The following TFB2M variants were observed in gnomAD, a reference collection of about 807,000 sequenced individuals.
The protein encoded by TFB2M is dimethyladenosine transferase 2, mitochondrial.
In TFB2M, 44 loss-of-function variants were observed where a neutral mutation model predicts 41.3. The observed-to-expected ratio is 1.07, with a 90% CI of 0.84 to 1.37. The LOEUF is 1.37. Ranked by LOEUF, TFB2M falls within the 40% of genes most tolerant of loss-of-function variation. The pLI, the probability that TFB2M is intolerant of heterozygous loss-of-function variation, is 0.00. For missense variants in TFB2M, 496 were observed against 490.2 expected, an observed-to-expected ratio of 1.01 and a Z score of -0.11; for synonymous variants, 188 against 176.8, an observed-to-expected ratio of 1.06 and a Z score of -0.50.
At chr1:246,554,008 G>C (rs1659251803) in intron 4 of TFB2M, among the ~76,000 whole-genome samples, 1 of 152,128 alleles carries the variant, frequency 6.6e-6, no homozygotes, top group Non-Finnish European at 1.5e-5. Flanking sequence ...TAGATCAATA[G>C]AATACAATAG....
At chr1:246,548,664 C>T in intron 5 of TFB2M, 57 bp from the exon 6 acceptor site, 1 of 1,532,482 alleles carries the variant, frequency 6.5e-7, no homozygotes, top group Non-Finnish European at 8.9e-7. Flanking sequence ...GTCAAAGTGC[C>T]CCAGTTATTA....
At chr1:246,552,433 A>G (rs1377814759) in intron 4 of TFB2M, among the ~76,000 whole-genome samples, 1 of 152,182 alleles carries the variant, frequency 6.6e-6, no homozygotes, top group Non-Finnish European at 1.5e-5. Context: ...GGCTCGGTGT[A>G]ATGGCTCACA....
Position 246,544,700 on chromosome 1 carries a change from G to T in TFB2M, c.859-19C>A. ...ATAATTCCTGGAGAGAAGAAAAAATGAATTGCATTAGTCACAAAATATTGC... is the reference window on the plus strand; with the variant it reads ...ATAATTCCTGGAGAGAAGAAAAAATTAATTGCATTAGTCACAAAATATTGC... On this transcript the variant is annotated intron_variant, in intron 6 of 7. Coordinates refer to ENST00000366514, the MANE Select transcript of TFB2M (RefSeq NM_022366.3). 6.3e-7 allele frequency: 1 copy of T among 1,576,144 alleles called. No individual in the cohort carries two copies. The highest frequency in any genetic ancestry group is 1.2e-5 in the South Asian group (1 of 84,370).
At chr1:246,558,011 G>T (rs61852367) in intron 2 of TFB2M, among the ~76,000 whole-genome samples, 3,907 of 152,014 alleles carry the variant, frequency 0.026, 86 homozygotes, top group Non-Finnish European at 0.041. Flanking sequence ...CCATAACTAT[G>T]TAAAGAAAAT....
intron 5 of TFB2M, 106 bp from the exon 6 acceptor site, chr1:246,548,713 C>A (rs1659091470): frequency 2.0e-6 from 2 of 980,630 alleles, no homozygotes; most frequent in South Asian, 2.9e-5. Context: ...AGAGAATGGT[C>A]AGTCTAATTG....
In TFB2M at chr1:246,548,571, C is replaced by T. The variant is rs766220297; in HGVS notation, c.832G>A (p.Gly278Arg). Residue 278 changes from glycine to arginine, a missense_variant, in exon 6 of 8, where the codon GGG becomes AGG. Gly to Arg is a moderately radical substitution (Grantham distance 125, BLOSUM62 -2). Transcript: ENST00000366514. ...CTACGCTTTGGGTTTTCCAGCGGCC[C>T]TTTCCGGGTGTATATATCAAATGAT... Reference protein sequence around the residue: ...WSSFDIYTRKGPLENPKRREL... With the variant: ...WSSFDIYTRKRPLENPKRREL... The T allele has an allele frequency of 6.8e-6, 11 of 1,613,218 alleles. No individual in the cohort carries two copies. The highest frequency in any genetic ancestry group is 3.4e-6 in the Non-Finnish European group (4 of 1,179,718).
chr1:246,543,712 T>C (rs550510937), intron 7 of TFB2M, among the ~76,000 whole-genome samples: 7 of 152,240 alleles, frequency 4.6e-5, no homozygotes, highest in East Asian at 3.9e-4. Flanking sequence ...GCAAGGTGGA[T>C]TGCTTGAGGC....
chr1:246,560,232 A>C (rs1057216891), intron 2 of TFB2M, among the ~76,000 whole-genome samples: 2 of 152,224 alleles, frequency 1.3e-5, no homozygotes, highest in African/African-American at 4.8e-5. Flanking sequence ...TAATCTTTCA[A>C]GTTATCAAAA....
intron 5 of TFB2M, among the ~76,000 whole-genome samples, chr1:246,550,720 C>T (rs3120706): frequency 0.98 from 149,337 of 152,336 alleles, 73,222 homozygotes; most frequent in East Asian, 1. Context: ...CTGTCTCTAC[C>T]GAAAATACAA....
chr1:246,553,151 G>A (rs1659229646), intron 4 of TFB2M, among the ~76,000 whole-genome samples: 1 of 152,150 alleles, frequency 6.6e-6, no homozygotes, highest in Non-Finnish European at 1.5e-5. Context: ...AAACTGGGAG[G>A]CGGAGGTTGC....
rs1263512028 is a variant in TFB2M at position 246,565,917 on chromosome 1, GTAAC to G, written c.218_221del (p.Arg73ProfsTer2). On this transcript the variant is annotated frameshift_variant, in exon 1 of 8. Transcript: ENST00000366514. LOFTEE classifies it high-confidence loss of function. The stretch of plus-strand genomic sequence containing the variant: ...TCTCAGCCAATCTCCGATCGGTTAC[GTAAC>G]GCTTAAAGTCTAAGCTGGCCTTAGA... The G allele has an allele frequency of 8.1e-6, 13 of 1,614,168 alleles. No individual in the cohort carries two copies. Among genetic ancestry groups the G allele is most frequent in the Non-Finnish European group, 1.0e-5 (12 of 1,180,012 alleles).
intron 2 of TFB2M, among the ~76,000 whole-genome samples, chr1:246,563,307 A>G (rs1342592564): frequency 6.6e-6 from 1 of 152,066 alleles, no homozygotes; most frequent in Non-Finnish European, 1.5e-5. Flanking sequence ...AGAAGCATAT[A>G]AATTCGGAGT....
intron 4 of TFB2M, among the ~76,000 whole-genome samples, chr1:246,556,340 G>A (rs1033737282): frequency 2.0e-5 from 3 of 152,182 alleles, no homozygotes; most frequent in African/African-American, 7.2e-5. Flanking sequence ...GGTATGGGAT[G>A]ATGAAAAGTT....
intron 3 of TFB2M, among the ~76,000 whole-genome samples, chr1:246,556,961 TATTAATATA>T (rs1448765226): frequency 1.3e-5 from 2 of 152,104 alleles, no homozygotes; most frequent in East Asian, 3.8e-4. Context: ...TCATAAACTG[TATTAATATA>T]ATATAAATTA....
At chr1:246,553,565 G>T (rs568774203) in intron 4 of TFB2M, among the ~76,000 whole-genome samples, 1 of 151,930 alleles carries the variant, frequency 6.6e-6, no homozygotes. Flanking sequence ...CTACTGGGGA[G>T]GTTGAGGTGG....
intron 7 of TFB2M, among the ~76,000 whole-genome samples, chr1:246,542,458 G>A (rs576054383): frequency 6.6e-6 from 1 of 151,968 alleles, no homozygotes; most frequent in Admixed American, 6.6e-5. Context: ...GATCATTTGA[G>A]CCCAAGAGTT....
chr1:246,543,749 G>C (rs3124116), intron 7 of TFB2M, among the ~76,000 whole-genome samples: 34,589 of 152,156 alleles, frequency 0.23, 4,342 homozygotes, highest in Middle Eastern at 0.41. Flanking sequence ...GCCTGGGCAA[G>C]GTGGCAAAAC....
chr1:246,543,691 T>C (rs1225931875), intron 7 of TFB2M, among the ~76,000 whole-genome samples: 1 of 152,198 alleles, frequency 6.6e-6, no homozygotes, highest in Non-Finnish European at 1.5e-5. Flanking sequence ...CCCAGCACTT[T>C]GGGAGGCCAA....
chr1:246,547,944 CA>C (rs1659067833), intron 6 of TFB2M, among the ~76,000 whole-genome samples: 1 of 102,904 alleles, frequency 9.7e-6, no homozygotes, highest in Admixed American at 1.5e-4. Flanking sequence ...AGTAATATCA[CA>C]ATTTTTTTTT....
Sources: gnomAD v4.1 joint callset for allele counts (sites outside exome capture counted in the v4.1 genomes callset) on GRCh38, gnomAD v4.1.1 for gene constraint, MANE v1.5 for transcripts, NCBI Gene and HGNC (gene_info 2026-07-23, HGNC 2026-07-21) for gene names.